Variants in SPAG9 observed in about 807,000 individuals in gnomAD.
The protein encoded by SPAG9 is C-Jun-amino-terminal kinase-interacting protein 4.
A neutral mutation model predicts 166.5 loss-of-function variants in SPAG9; 35 were observed. That is an observed-to-expected ratio of 0.21 (90% CI 0.16 to 0.28). SPAG9 has a LOEUF of 0.28. Among genes scored for constraint, SPAG9 ranks in the 10% least tolerant of loss-of-function variants. The pLI is 1.00. For missense variants in SPAG9, 1,235 were observed against 1,603.3 expected (o/e 0.77, Z 3.92); for synonymous variants, 534 against 565.5 (o/e 0.94, Z 0.79).
At chr17:51,089,666 A>G (rs1356705045) in intron 1 of SPAG9, among the ~76,000 whole-genome samples, 9 of 75,888 alleles carry the variant, frequency 1.2e-4, no homozygotes, top group Non-Finnish European at 2.9e-4. Context: ...ATATATATAC[A>G]CATACACACA....
chr17:51,045,907 C>T lies in SPAG9; in HGVS notation c.590+1468G>A, dbSNP rs1263144520. Among the ~76,000 whole-genome samples the T allele has an allele frequency of 2.0e-5, 3 of 152,286 alleles. No individual in the cohort carries two copies. The East Asian group carries it at 5.8e-4, about 29-fold the overall frequency. On this transcript the variant is annotated intron_variant, in intron 4 of 29. Coordinates refer to ENST00000262013, the MANE Select transcript of SPAG9 (RefSeq NM_001130528.3). ...TAGTGAATAGGCTTTGTAAAGCTTT[C>T]ACAACTTTGATGTGTAAATAATGGG...
At chr17:51,094,383 T>A (rs935168813) in intron 1 of SPAG9, among the ~76,000 whole-genome samples, 2 of 152,140 alleles carry the variant, frequency 1.3e-5, no homozygotes, top group Non-Finnish European at 2.9e-5. Context: ...AAAACTATAA[T>A]TAATATACTC....
intron 8 of SPAG9, among the ~76,000 whole-genome samples, chr17:51,018,389 A>G (rs2045791995): frequency 6.6e-6 from 1 of 151,888 alleles, no homozygotes; most frequent in Non-Finnish European, 1.5e-5. Flanking sequence ...AGATCTAACT[A>G]TTTTCTTCCT....
chr17:51,073,635 G>GT (rs2047887515), intron 2 of SPAG9, among the ~76,000 whole-genome samples: 1 of 152,058 alleles, frequency 6.6e-6, no homozygotes. Context: ...GTGGGGGAAT[G>GT]TTTAAGTGTG....
intron 19 of SPAG9, among the ~76,000 whole-genome samples, chr17:50,992,505 C>T (rs1975673412): frequency 6.6e-6 from 1 of 151,876 alleles, no homozygotes; most frequent in Non-Finnish European, 1.5e-5. Context: ...ACCCTGCCTA[C>T]AAAAAGTACA....
chr17:51,108,352 A>G (rs939082046), intron 1 of SPAG9, among the ~76,000 whole-genome samples: 7 of 150,038 alleles, frequency 4.7e-5, no homozygotes, highest in Non-Finnish European at 4.4e-5. Context: ...GCACCACTAC[A>G]CTCCAGCCTA....
At chr17:51,062,361 G>A (rs2047541464) in intron 2 of SPAG9, among the ~76,000 whole-genome samples, 1 of 152,104 alleles carries the variant, frequency 6.6e-6, no homozygotes, top group South Asian at 2.1e-4. Flanking sequence ...AATATGACAT[G>A]TGACCACCAT....
At chr17:51,110,388 C>CAA (rs764802398) in intron 1 of SPAG9, among the ~76,000 whole-genome samples, 656 of 64,132 alleles carry the variant, frequency 0.01, 4 homozygotes, top group African/African-American at 0.035. Context: ...ACTAACCTTA[C>CAA]AAAAAAAAAA....
chr17:51,107,816 A>G (rs2048997256), intron 1 of SPAG9, among the ~76,000 whole-genome samples: 1 of 151,430 alleles, frequency 6.6e-6, no homozygotes, highest in African/African-American at 2.4e-5. Flanking sequence ...TTGGGAGGCT[A>G]AGGTAGGGGG....
At chr17:51,091,422 T>C (rs1299712831) in intron 1 of SPAG9, among the ~76,000 whole-genome samples, 1 of 152,096 alleles carries the variant, frequency 6.6e-6, no homozygotes, top group Non-Finnish European at 1.5e-5. Context: ...ATAACCACGA[T>C]AGGGTTAGGC....
rs57083539 is a variant in SPAG9 at position 51,022,631 on chromosome 17, CTAATAATAA to C, written c.784-1275_784-1267del. 2.2e-3 allele frequency among the ~76,000 whole-genome samples: 329 copies of C among 148,226 alleles called. 1 individual carries two copies. Among genetic ancestry groups the C allele is most frequent in the African/African-American group, 7.8e-3 (316 of 40,624 alleles). The stretch of plus-strand genomic sequence containing the variant: ...GACAAAAAGTTTACAGCCACCACCA[CTAATAATAA>C]TAATAATAATAATAATAATAACAAT... On this transcript the variant is annotated intron_variant, in intron 6 of 29. Transcript: ENST00000262013.
At chr17:50,997,172 T>C (rs571104830) in intron 15 of SPAG9, among the ~76,000 whole-genome samples, 3 of 152,314 alleles carry the variant, frequency 2.0e-5, no homozygotes, top group African/African-American at 7.2e-5. Context: ...AGTGTTATAC[T>C]AAAGCTGGTC....
At position 51,055,343 on chromosome 17, in the gene SPAG9, ACTCTCT is replaced by A. The variant is rs961292596; in HGVS notation, c.495+1063_495+1068del. Among the ~76,000 whole-genome samples, 9 of 151,066 alleles carry A rather than the reference ACTCTCT, an allele frequency of 6.0e-5. 1 individual carries two copies. Among genetic ancestry groups the A allele is most frequent in the Admixed American group, 2.0e-4 (3 of 15,080 alleles). On this transcript the variant is annotated intron_variant, in intron 3 of 29. Transcript: ENST00000262013. ...ACTACAGCTTGGGCAACAGAGCAAG[ACTCTCT>A]CTCTCACACACACACACACACAAGC...
chr17:51,017,519 TGAGA>T (rs60839678), intron 8 of SPAG9, among the ~76,000 whole-genome samples: 26,326 of 147,268 alleles, frequency 0.18, 3,599 homozygotes, highest in African/African-American at 0.39. Context: ...AGAACCTGTC[TGAGA>T]GAGAGAGAGA....
rs549410530 is a variant in SPAG9 at position 50,977,487 on chromosome 17, A to G, written c.3410-266T>C. Among the ~76,000 whole-genome samples, 17 of 152,344 alleles carry G rather than the reference A, an allele frequency of 1.1e-4. No homozygotes were observed. In the South Asian group the frequency reaches 3.5e-3, roughly 32 times the overall value. The stretch of plus-strand genomic sequence containing the variant: ...AAAGAAAAGCCTAAAAGTGGGTAAC[A>G]TAACATTATTAGTTAGAAGAAAAGT... On this transcript the variant is annotated intron_variant, in intron 26 of 29. Coordinates refer to ENST00000262013, the MANE Select transcript of SPAG9 (RefSeq NM_001130528.3).
intron 21 of SPAG9, among the ~76,000 whole-genome samples, chr17:50,988,903 C>T (rs914369369): frequency 1.3e-5 from 2 of 152,116 alleles, no homozygotes; most frequent in Non-Finnish European, 2.9e-5. Context: ...TCAAAAAGGT[C>T]ATCCACACCC....
At chr17:51,063,377 A>C (rs1598110983) in intron 2 of SPAG9, among the ~76,000 whole-genome samples, 1 of 147,994 alleles carries the variant, frequency 6.8e-6, no homozygotes, top group Non-Finnish European at 1.5e-5. Context: ...GTGCCACCGC[A>C]CTCCAGCCTG....
In SPAG9 at chr17:51,110,550, G is replaced by A. The variant is rs376473129; in HGVS notation, c.303+9804C>T. On this transcript the variant is annotated intron_variant, in intron 1 of 29. Coordinates refer to ENST00000262013, the MANE Select transcript of SPAG9 (RefSeq NM_001130528.3). ...ACAAAATATCAAAAATTAGCTGGGCGTGGTGGTGTACACCTGTAGTCCCAT... is the reference window on the plus strand; with the variant it reads ...ACAAAATATCAAAAATTAGCTGGGCATGGTGGTGTACACCTGTAGTCCCAT... Among the ~76,000 whole-genome samples the A allele has an allele frequency of 8.0e-4, 122 of 152,148 alleles. No individual in the cohort carries two copies. In the South Asian group the frequency reaches 0.018, roughly 23 times the overall value.
chr17:51,035,805 G>T (rs1023868937), intron 5 of SPAG9, among the ~76,000 whole-genome samples: 1 of 152,096 alleles, frequency 6.6e-6, no homozygotes, highest in African/African-American at 2.4e-5. Context: ...CAGATCTAAA[G>T]GTCACATTCT....
Sources: allele counts gnomAD v4.1 joint callset (sites outside exome capture counted in the v4.1 genomes callset), GRCh38; gene constraint gnomAD v4.1.1; transcripts MANE v1.5; gene names NCBI Gene and HGNC (gene_info 2026-07-23, HGNC 2026-07-21).